The following TTC27 variants were observed in gnomAD, a reference collection of about 807,000 sequenced individuals.
The protein encoded by TTC27 is tetratricopeptide repeat protein 27.
Under a neutral mutation model 115.9 loss-of-function variants are expected in TTC27, and 79 were observed. That is an observed-to-expected ratio of 0.68 (90% CI 0.57 to 0.82). The LOEUF (loss-of-function observed/expected upper bound fraction) is 0.82. Ranked by LOEUF, TTC27 falls within the 40% of genes least tolerant of loss-of-function variation. TTC27 has a pLI of 0.00. For synonymous variants in TTC27, 401 were observed against 356.0 expected (o/e 1.13, Z -1.42); for missense variants, 1,054 against 993.1 (o/e 1.06, Z -0.82).
intron 9 of TTC27, among the ~76,000 whole-genome samples, chr2:32,685,847 C>T (rs936918876): frequency 1.3e-5 from 2 of 152,072 alleles, no homozygotes; most frequent in African/African-American, 4.8e-5. Flanking sequence ...GAACTAGAAT[C>T]CTAGTAGTGC....
intron 13 of TTC27, among the ~76,000 whole-genome samples, chr2:32,762,975 G>A (rs961547124): frequency 3.9e-5 from 6 of 152,208 alleles, no homozygotes; most frequent in African/African-American, 1.4e-4. Flanking sequence ...AATTCTCAGT[G>A]TGGGAGGGGC....
intron 7 of TTC27, among the ~76,000 whole-genome samples, chr2:32,668,236 G>T (rs1665864909): frequency 6.6e-6 from 1 of 151,802 alleles, no homozygotes. Flanking sequence ...CAGTTGTGGT[G>T]GTGTGTGCCT....
At chr2:32,695,766 G>T (rs1666965463) in intron 9 of TTC27, among the ~76,000 whole-genome samples, 1 of 146,744 alleles carries the variant, frequency 6.8e-6, no homozygotes. Context: ...TGTGGTGGCG[G>T]GTGCCTGTAG....
intron 10 of TTC27, among the ~76,000 whole-genome samples, chr2:32,729,610 A>C (rs1668223196): frequency 6.6e-6 from 1 of 152,128 alleles, no homozygotes; most frequent in Non-Finnish European, 1.5e-5. Flanking sequence ...AAACTTGAAA[A>C]CAGTCTCATA....
In TTC27 at chr2:32,777,589, C is replaced by T. The variant is rs1558338761; in HGVS notation, c.1681-293C>T. Among the ~76,000 whole-genome samples the T allele has an allele frequency of 2.0e-5, 3 of 152,070 alleles. No homozygotes were observed. In the South Asian group the frequency reaches 6.2e-4, roughly 32 times the overall value. ...TATTTTCACTCTGCAGCTGATTGAA[C>T]CCACAGCCAACATGCCCAGTAAGGA... On this transcript the variant is annotated intron_variant, in intron 13 of 19. Transcript: ENST00000317907.
At chr2:32,657,848 A>G (rs1455016014) in intron 5 of TTC27, among the ~76,000 whole-genome samples, 1 of 151,958 alleles carries the variant, frequency 6.6e-6, no homozygotes, top group Admixed American at 6.6e-5. Flanking sequence ...TTTTTTTGAG[A>G]TGGAGTTTCA....
chr2:32,708,190 A>G (rs1043181492), intron 10 of TTC27, among the ~76,000 whole-genome samples: 1 of 150,958 alleles, frequency 6.6e-6, no homozygotes, highest in Admixed American at 6.6e-5. Flanking sequence ...TCCTCAGCCT[A>G]CTCGATGTTA....
intron 14 of TTC27, 74 bp from the exon 15 acceptor site, chr2:32,782,552 G>A: frequency 7.5e-7 from 1 of 1,336,234 alleles, no homozygotes; most frequent in Non-Finnish European, 1.1e-6. Context: ...AGGAGAGTGT[G>A]TTGTACTTTT....
At chr2:32,746,563 C>CAAAAAAAAAAGAAAAAAAAA (rs1668835065) in intron 12 of TTC27, among the ~76,000 whole-genome samples, 1 of 46,296 alleles carries the variant, frequency 2.2e-5, no homozygotes, top group Non-Finnish European at 3.6e-5. Context: ...AACTCCATCT[C>CAAAAAAAAAAGAAAAAAAAA]AAAAAAAAAA....
At chr2:32,776,861 C>T (rs781401111) in intron 13 of TTC27, among the ~76,000 whole-genome samples, 13 of 152,144 alleles carry the variant, frequency 8.5e-5, no homozygotes, top group East Asian at 1.9e-4. Context: ...CCGCCCACCT[C>T]GGCCTCCCAA....
chr2:32,777,929 C>CT lies in TTC27; in HGVS notation c.1729dup (p.Tyr577LeufsTer18). The stretch of plus-strand genomic sequence containing the variant: ...GTTGTGCCTATTTGGCCTTGGAAGA[C>CT]TATCAAGGTTCAGCAAAGGCATTTC... On this transcript the variant is annotated frameshift_variant, in exon 14 of 20. Coordinates refer to ENST00000317907, the MANE Select transcript of TTC27 (RefSeq NM_017735.5). LOFTEE classifies it high-confidence loss of function. The CT allele has an allele frequency of 6.2e-7, 1 of 1,614,060 alleles. No homozygotes were observed. The highest frequency in any genetic ancestry group is 8.5e-7 in the Non-Finnish European group (1 of 1,180,014).
intron 12 of TTC27, 124 bp downstream of exon 12, chr2:32,736,940 T>A: frequency 7.5e-7 from 1 of 1,332,306 alleles, no homozygotes. Flanking sequence ...TCACTTTTTT[T>A]CCAGAAAACT....
intron 6 of TTC27, 105 bp downstream of exon 6, chr2:32,664,572 G>A: frequency 1.0e-6 from 1 of 992,634 alleles, no homozygotes; most frequent in Non-Finnish European, 1.4e-6. Flanking sequence ...TATCCTATTT[G>A]CTTTACAAAA....
intron 18 of TTC27, among the ~76,000 whole-genome samples, chr2:32,813,992 C>T (rs1671400508): frequency 6.6e-6 from 1 of 152,110 alleles, no homozygotes; most frequent in South Asian, 2.1e-4. Flanking sequence ...GGATCCAGTC[C>T]TTATGCTTTT....
intron 10 of TTC27, among the ~76,000 whole-genome samples, chr2:32,729,750 C>G (rs1668229983): frequency 6.6e-6 from 1 of 152,012 alleles, no homozygotes; most frequent in African/African-American, 2.4e-5. Flanking sequence ...CAGTCATCCA[C>G]CTAGAGTAGA....
intron 12 of TTC27, among the ~76,000 whole-genome samples, chr2:32,740,296 C>T (rs1350401989): frequency 6.6e-6 from 1 of 152,168 alleles, no homozygotes. Context: ...CAAGGCTTCC[C>T]TGAGATTACA....
intron 12 of TTC27, among the ~76,000 whole-genome samples, chr2:32,752,251 A>T (rs900909659): frequency 6.6e-6 from 1 of 152,222 alleles, no homozygotes; most frequent in African/African-American, 2.4e-5. Flanking sequence ...TCTCCCATTT[A>T]AAATGTAAAA....
rs57248013 is a variant in TTC27 at position 32,798,115 on chromosome 2, A to AT, written c.1998+10967dup. 3.1e-3 allele frequency among the ~76,000 whole-genome samples: 476 copies of AT among 151,418 alleles called. 6 individuals are homozygous for AT. Among genetic ancestry groups the AT allele is most frequent in the African/African-American group, 0.011 (444 of 41,264 alleles). On this transcript the variant is annotated intron_variant, in intron 16 of 19. Coordinates refer to ENST00000317907, the MANE Select transcript of TTC27 (RefSeq NM_017735.5). The stretch of plus-strand genomic sequence containing the variant: ...TAGAAAAAAAATTAAAAAAAAAAAA[A>AT]TAGAAAATAGGCCAGGCGCGGTGGC...
intron 18 of TTC27, among the ~76,000 whole-genome samples, chr2:32,815,298 G>A (rs1420678242): frequency 3.1e-5 from 4 of 130,326 alleles, no homozygotes; most frequent in Non-Finnish European, 6.2e-5. Flanking sequence ...GTGCAGTGGC[G>A]CGATCTCGGC....
Sources: gnomAD v4.1 joint callset for allele counts (sites outside exome capture counted in the v4.1 genomes callset) on GRCh38, gnomAD v4.1.1 for gene constraint, MANE v1.5 for transcripts, NCBI Gene and HGNC (gene_info 2026-07-23, HGNC 2026-07-21) for gene names.